Variants in CUL2 observed in about 807,000 individuals in gnomAD.
The protein encoded by CUL2 is cullin-2.
A neutral mutation model predicts 110.2 loss-of-function variants in CUL2; 22 were observed. That is an observed-to-expected ratio of 0.20 (90% CI 0.14 to 0.28). The LOEUF (loss-of-function observed/expected upper bound fraction) is 0.28, where lower values mean the gene tolerates loss of function less well. CUL2 is among the 10% of genes least tolerant of loss of function. The pLI is 1.00. For missense variants in CUL2, 631 were observed against 905.5 expected, an observed-to-expected ratio of 0.70 and a Z score of 3.89; for synonymous variants, 279 against 293.2, an observed-to-expected ratio of 0.95 and a Z score of 0.49.
chr10:35,044,995 G>GT (rs1554858587), intron 6 of CUL2, 127 bp from the exon 7 acceptor site: 1 of 605,364 alleles, frequency 1.7e-6, no homozygotes, highest in Admixed American at 3.2e-5. Flanking sequence ...CTATAAAAAG[G>GT]TACATGCATG....
intron 12 of CUL2, 48 bp downstream of exon 12, chr10:35,032,387 T>C (rs1222457403): frequency 6.7e-7 from 1 of 1,483,236 alleles, no homozygotes; most frequent in African/African-American, 1.4e-5. Context: ...TCTCATTTTC[T>C]AATACTGACT....
At chr10:35,096,018 C>T (rs900407063) in intron 2 of CUL2, among the ~76,000 whole-genome samples, 2 of 151,218 alleles carry the variant, frequency 1.3e-5, no homozygotes, top group African/African-American at 2.4e-5. Context: ...GAGTCCGAGG[C>T]GGGTGGATTG....
intron 1 of CUL2, among the ~76,000 whole-genome samples, chr10:35,079,047 A>G (rs1317184057): frequency 6.6e-6 from 1 of 152,216 alleles, no homozygotes; most frequent in Admixed American, 6.5e-5. Context: ...GCCTTATCCA[A>G]GGGGATACGT....
At chr10:35,051,897 G>C (rs11010079) in intron 5 of CUL2, among the ~76,000 whole-genome samples, 3,952 of 152,188 alleles carry the variant, frequency 0.026, 170 homozygotes, top group African/African-American at 0.091. Context: ...ATATATTAAA[G>C]TTTAATATAC....
At chr10:35,053,509 A>G (rs541325178) in intron 5 of CUL2, among the ~76,000 whole-genome samples, 8 of 152,354 alleles carry the variant, frequency 5.3e-5, no homozygotes, top group Non-Finnish European at 1.0e-4. Context: ...TGAATGTTGG[A>G]TGCTGAAATT....
chr10:35,045,402 T>TGGAGC (rs2085909085), intron 6 of CUL2, among the ~76,000 whole-genome samples: 1 of 151,528 alleles, frequency 6.6e-6, no homozygotes, highest in African/African-American at 2.4e-5. Context: ...GCCTGGGCAA[T>TGGAGC]AGAGCGAGAC....
chr10:35,125,841 T>C (rs1488315883), intron 1 of CUL2, among the ~76,000 whole-genome samples: 1 of 152,202 alleles, frequency 6.6e-6, no homozygotes, highest in Non-Finnish European at 1.5e-5. Flanking sequence ...TTACTTTTTT[T>C]ATTTTTGAGA....
intron 1 of CUL2, among the ~76,000 whole-genome samples, chr10:35,124,509 CA>C (rs1027912268): frequency 6.6e-6 from 1 of 151,898 alleles, no homozygotes; most frequent in Non-Finnish European, 1.5e-5. Context: ...GAAGTGAATA[CA>C]ACCCCTGCCT....
rs116840482 is a variant in CUL2, at chr10:35,075,462, G to A, written c.-22-4123C>T. Among the ~76,000 whole-genome samples, 750 of 152,150 alleles carry A rather than the reference G, an allele frequency of 4.9e-3. 11 individuals carry two copies. The highest frequency in any genetic ancestry group is 0.017 in the African/African-American group (718 of 41,500). ...TATCAGTCTTGTTCTTCATTCCTGT[G>A]CCTTAACGAGATTCCCACGCGCACT... is the stretch of plus-strand genomic sequence containing the variant. On this transcript the variant is annotated intron_variant, in intron 1 of 20. Coordinates refer to ENST00000374749, the MANE Select transcript of CUL2 (RefSeq NM_003591.4).
At chr10:35,113,826 G>A (rs544273177) in intron 1 of CUL2, among the ~76,000 whole-genome samples, 1 of 150,790 alleles carries the variant, frequency 6.6e-6, no homozygotes, top group Admixed American at 6.6e-5. Context: ...CCTGCATCAG[G>A]CCCCTGAGAA....
chr10:35,049,796 G>C, intron 5 of CUL2, 31 bp from the exon 6 acceptor site: 5 of 1,431,310 alleles, frequency 3.5e-6, no homozygotes, highest in Non-Finnish European at 3.9e-6. Context: ...CATCAGGGCT[G>C]AATTACTTAG....
At chr10:35,110,955 T>C (rs2087516965) in intron 1 of CUL2, among the ~76,000 whole-genome samples, 1 of 152,188 alleles carries the variant, frequency 6.6e-6, no homozygotes, top group African/African-American at 2.4e-5. Context: ...AAGTCAAGAA[T>C]GGAAGTAGCA....
intron 4 of CUL2, among the ~76,000 whole-genome samples, chr10:35,054,879 T>C (rs1226739055): frequency 6.6e-6 from 1 of 152,160 alleles, no homozygotes; most frequent in African/African-American, 2.4e-5. Flanking sequence ...GGTTAAAAGA[T>C]AAAAGTCAAG....
At chr10:35,109,182 G>A (rs1361712916) in intron 1 of CUL2, among the ~76,000 whole-genome samples, 1 of 152,174 alleles carries the variant, frequency 6.6e-6, no homozygotes, top group Non-Finnish European at 1.5e-5. Flanking sequence ...TAGCAGAAAT[G>A]GTTAGGTTTT....
chr10:35,031,921 T>G lies in CUL2; in HGVS notation c.1171-302A>C, dbSNP rs1202424573. ...TTATGTAATAATCATAAATGTAAAC[T>G]AAATAAAATATACATCATAAGGTAA... is the stretch of plus-strand genomic sequence containing the variant. On this transcript the variant is annotated intron_variant, in intron 12 of 20. Coordinates refer to ENST00000374749, the MANE Select transcript of CUL2 (RefSeq NM_003591.4). This position sits in a 1 kb window ranked among gnomAD's most constrained non-coding sequence, Gnocchi z 4.4. 6.6e-6 allele frequency among the ~76,000 whole-genome samples: 1 copy of G among 152,128 alleles called. No individual in the cohort carries two copies. The highest frequency in any genetic ancestry group is 2.4e-5 in the African/African-American group (1 of 41,438).
At chr10:35,035,045 TA>T in intron 10 of CUL2, 126 bp downstream of exon 10, 1 of 1,124,496 alleles carries the variant, frequency 8.9e-7, no homozygotes, top group Non-Finnish European at 1.3e-6. Context: ...AACATTTGAA[TA>T]AAGACATTTC....
rs1045666973 is a variant in CUL2 at position 35,038,836 on chromosome 10, T to C, written c.877+84A>G. The stretch of plus-strand genomic sequence containing the variant: ...AATATTTTAAAGACTATTACTAAAA[T>C]AGGCATTAAATCAAGGGTGACTAGA... On this transcript the variant is annotated intron_variant, in intron 9 of 20. Transcript: ENST00000374749. The C allele has an allele frequency of 1.4e-5, 11 of 760,204 alleles. No homozygotes were observed. In the Admixed American group the frequency reaches 3.0e-4, roughly 21 times the overall value. The allele number at this position is 760,204 out of a possible 1,614,324, so 47.1% of individuals were successfully genotyped here.
intron 2 of CUL2, among the ~76,000 whole-genome samples, chr10:35,068,372 A>G (rs1373840155): frequency 6.6e-6 from 1 of 152,170 alleles, no homozygotes; most frequent in African/African-American, 2.4e-5. Context: ...CAATGAGCTG[A>G]GATCACTGCA....
chr10:35,098,851 T>C (rs1270897255), intron 2 of CUL2, among the ~76,000 whole-genome samples: 2 of 152,152 alleles, frequency 1.3e-5, no homozygotes, highest in African/African-American at 4.8e-5. Context: ...GGAGAATTGC[T>C]TGAACCTAGG....
Sources: gnomAD v4.1 joint callset for allele counts (sites outside exome capture counted in the v4.1 genomes callset) on GRCh38, gnomAD v4.1.1 for gene constraint, Gnocchi (gnomAD v3.1) non-coding constraint, MANE v1.5 for transcripts, NCBI Gene and HGNC (gene_info 2026-07-23, HGNC 2026-07-21) for gene names.